Variants in GABBR2 observed in about 807,000 individuals in gnomAD.
GABBR2 encodes the protein gamma-aminobutyric acid type B receptor subunit 2, also known as G-protein coupled receptor 51.
Under a neutral mutation model 105.6 loss-of-function variants are expected in GABBR2, and 23 were observed. That is an observed-to-expected ratio of 0.22 (90% CI 0.16 to 0.31). The LOEUF (loss-of-function observed/expected upper bound fraction) is 0.31, where lower values mean the gene tolerates loss of function less well. Ranked by LOEUF, GABBR2 falls within the 10% of genes least tolerant of loss-of-function variation. GABBR2 has a pLI of 1.00. For missense variants in GABBR2, 734 were observed against 1,245.5 expected, an observed-to-expected ratio of 0.59 and a Z score of 6.18; for synonymous variants, 478 against 499.7, an observed-to-expected ratio of 0.96 and a Z score of 0.58.
At chr9:98,330,209 G>C (rs538749429) in intron 13 of GABBR2, among the ~76,000 whole-genome samples, 4 of 152,168 alleles carry the variant, frequency 2.6e-5, no homozygotes, top group Admixed American at 2.6e-4. Context: ...CCTGCTCAAG[G>C]GGTTTCATCT....
intron 13 of GABBR2, among the ~76,000 whole-genome samples, chr9:98,327,669 G>A (rs867614842): frequency 9.9e-5 from 15 of 151,972 alleles, no homozygotes; most frequent in Admixed American, 3.3e-4. Context: ...AGGAGTTTGA[G>A]ACCAGCCTGG....
chr9:98,410,053 C>T (rs756290581), intron 7 of GABBR2, among the ~76,000 whole-genome samples: 6 of 151,954 alleles, frequency 3.9e-5, no homozygotes, highest in Admixed American at 6.5e-5. Flanking sequence ...TCAGAGCCAC[C>T]GTGGCCTGCA....
chr9:98,616,781 A>G (rs2131818252), intron 1 of GABBR2, among the ~76,000 whole-genome samples: 1 of 151,970 alleles, frequency 6.6e-6, no homozygotes, highest in Non-Finnish European at 1.5e-5. Context: ...AAAGTCTTCT[A>G]CTTTGGCAGT....
chr9:98,694,084 G>A lies in GABBR2; in HGVS notation c.321+14333C>T, dbSNP rs1249969581. The stretch of plus-strand genomic sequence containing the variant: ...TGTATATCTCCTTGGAGAAGTCAAA[G>A]CTCTTTCTGGAGAAAATGAAAACGC... On this transcript the variant is annotated intron_variant, in intron 1 of 18. Coordinates refer to ENST00000259455, the MANE Select transcript of GABBR2 (RefSeq NM_005458.8). Among the ~76,000 whole-genome samples, 4 of 152,348 alleles carry A rather than the reference G, an allele frequency of 2.6e-5. No homozygotes were observed. The East Asian group carries it at 7.7e-4, about 29-fold the overall frequency.
intron 13 of GABBR2, among the ~76,000 whole-genome samples, chr9:98,349,344 G>T (rs1483770965): frequency 9.5e-6 from 1 of 105,482 alleles, no homozygotes; most frequent in Non-Finnish European, 1.8e-5. Context: ...TTTTGTTGAA[G>T]TTTTGTTTTT....
chr9:98,378,831 C>T (rs570345815), intron 11 of GABBR2, among the ~76,000 whole-genome samples: 2 of 152,308 alleles, frequency 1.3e-5, no homozygotes, highest in South Asian at 2.1e-4. Context: ...CCTGGATTCA[C>T]AGTTGAGTTC....
chr9:98,612,495 T>C (rs904215248), intron 1 of GABBR2, among the ~76,000 whole-genome samples: 1 of 152,190 alleles, frequency 6.6e-6, no homozygotes, highest in African/African-American at 2.4e-5. Context: ...ATCACAGTTA[T>C]GTACATTCTA....
intron 2 of GABBR2, among the ~76,000 whole-genome samples, chr9:98,549,471 T>C (rs184574886): frequency 2.0e-5 from 3 of 152,330 alleles, no homozygotes; most frequent in East Asian, 1.9e-4. Flanking sequence ...TAACCAAATA[T>C]GTGGCAGGGC....
At chr9:98,464,825 C>A (rs1826511420) in intron 6 of GABBR2, among the ~76,000 whole-genome samples, 1 of 152,054 alleles carries the variant, frequency 6.6e-6, no homozygotes, top group African/African-American at 2.4e-5. Flanking sequence ...TACCCCCAAC[C>A]CCGTGCTCTC....
intron 1 of GABBR2, among the ~76,000 whole-genome samples, chr9:98,588,640 G>T (rs553554918): frequency 6.6e-6 from 1 of 152,228 alleles, no homozygotes; most frequent in Non-Finnish European, 1.5e-5. Flanking sequence ...GAGGGGCAGA[G>T]TTGGGAGTCA....
chr9:98,317,988 A>T (rs920825459), intron 13 of GABBR2, among the ~76,000 whole-genome samples: 2 of 152,248 alleles, frequency 1.3e-5, no homozygotes, highest in African/African-American at 2.4e-5. Context: ...GACCCGGCAG[A>T]TAAGAAATGC....
At chr9:98,407,719 C>T (rs142491562) in intron 7 of GABBR2, among the ~76,000 whole-genome samples, 64 of 152,124 alleles carry the variant, frequency 4.2e-4, no homozygotes, top group African/African-American at 1.3e-3. Context: ...ATTTAAAATG[C>T]GCACAAATTC....
chr9:98,519,000 T>C (rs1827816280), intron 3 of GABBR2, among the ~76,000 whole-genome samples: 1 of 152,218 alleles, frequency 6.6e-6, no homozygotes, highest in Admixed American at 6.5e-5. Context: ...TGTATCTTCT[T>C]ACGAGCAGTA....
intron 12 of GABBR2, among the ~76,000 whole-genome samples, chr9:98,368,222 G>A (rs1379715010): frequency 1.3e-5 from 2 of 148,222 alleles, no homozygotes; most frequent in Admixed American, 6.8e-5. Flanking sequence ...CCTCATACCC[G>A]TTAAGGGACT....
chr9:98,436,137 T>G (rs989675763), intron 7 of GABBR2, among the ~76,000 whole-genome samples: 1 of 150,774 alleles, frequency 6.6e-6, no homozygotes, highest in Non-Finnish European at 1.5e-5. Flanking sequence ...GTCTCTGTGG[T>G]TGTACCAAGT....
chr9:98,363,609 T>A (rs887794500), intron 12 of GABBR2, among the ~76,000 whole-genome samples: 1 of 152,142 alleles, frequency 6.6e-6, no homozygotes, highest in African/African-American at 2.4e-5. Context: ...CTCAGTAAAC[T>A]GGGGAGGCCT....
chr9:98,591,637 T>G (rs947959380), intron 1 of GABBR2, among the ~76,000 whole-genome samples: 1 of 152,134 alleles, frequency 6.6e-6, no homozygotes, highest in African/African-American at 2.4e-5. Context: ...ATGTGTCCAC[T>G]GGGGAATTCA....
chr9:98,570,458 A>G (rs983702437), intron 2 of GABBR2, among the ~76,000 whole-genome samples: 2 of 152,222 alleles, frequency 1.3e-5, no homozygotes, highest in African/African-American at 4.8e-5. Context: ...TGCAAGCTGA[A>G]GCTGCGATAA....
chr9:98,445,584 C>G (rs1306527775), intron 7 of GABBR2, among the ~76,000 whole-genome samples: 2 of 152,236 alleles, frequency 1.3e-5, no homozygotes, highest in African/African-American at 4.8e-5. Context: ...AGAGGCCATG[C>G]TCAGATGTGG....
Sources: gnomAD v4.1 joint callset for allele counts (sites outside exome capture counted in the v4.1 genomes callset) on GRCh38, gnomAD v4.1.1 for gene constraint, MANE v1.5 for transcripts, NCBI Gene and HGNC (gene_info 2026-07-23, HGNC 2026-07-21) for gene names.